ALS2: variants seen among roughly 807,000 people sequenced by gnomAD.
ALS2 encodes the protein alsin Rho guanine nucleotide exchange factor ALS2, also known as alsin.
In ALS2, 117 loss-of-function variants were observed where a neutral mutation model predicts 203.4. The observed-to-expected ratio is 0.58, with a 90% confidence interval of 0.50 to 0.67. ALS2 has a LOEUF of 0.67. Among genes scored for constraint, ALS2 ranks in the 30% least tolerant of loss-of-function variants. The pLI is 0.00. For missense variants in ALS2, 1,715 were observed against 1,989.4 expected, an observed-to-expected ratio of 0.86 and a Z score of 2.62; for synonymous variants, 718 against 725.9, an observed-to-expected ratio of 0.99 and a Z score of 0.17.
intron 1 of ALS2, among the ~76,000 whole-genome samples, chr2:201,777,141 AT>A (rs1248106402): frequency 6.6e-6 from 1 of 152,152 alleles, no homozygotes; most frequent in Non-Finnish European, 1.5e-5. Flanking sequence ...ACATGTCCAA[AT>A]TCCTTTGAGG....
rs773850693 is a variant in ALS2 at position 201,729,014 on chromosome 2, G to A, written c.2712+38C>T. On this transcript the variant is annotated intron_variant, in intron 14 of 33. Transcript: ENST00000264276. ...ATCAATTGTTATCGAAATGGTTGCT[G>A]TTTGCTAGGGTAACAAATGACAACT... is the stretch of plus-strand genomic sequence containing the variant. 8.1e-6 allele frequency: 13 copies of A among 1,613,834 alleles called. No homozygotes were observed. The East Asian group carries it at 2.0e-4, about 25-fold the overall frequency.
At chr2:201,724,603 A>G (rs1691030696) in intron 20 of ALS2, 144 bp from the exon 21 acceptor site, 2 of 890,520 alleles carry the variant, frequency 2.2e-6, no homozygotes, top group African/African-American at 3.4e-5. Context: ...CACCAATTAA[A>G]AAAACCTCAT....
At chr2:201,774,809 G>A (rs1203294481) in intron 1 of ALS2, among the ~76,000 whole-genome samples, 1 of 152,078 alleles carries the variant, frequency 6.6e-6, no homozygotes, top group African/African-American at 2.4e-5. Context: ...GAAGCAGAGT[G>A]ACAAATATCG....
Position 201,761,608 on chromosome 2 carries a change from T to G in ALS2, c.386A>C (p.Gln129Pro), listed in dbSNP as rs2106089556. The change falls in exon 4 of 34, where the codon CAG becomes CCG. Residue 129 changes from glutamine (Q) to proline (P), a missense_variant. Around this residue, in one of 3 missense-constraint regions of ALS2, gnomAD observed 476 missense variants for 539.3 expected, o/e 0.88. Coordinates refer to ENST00000264276, the MANE Select transcript of ALS2 (RefSeq NM_020919.4). ...SAGQCAVANQ[Q>P]YVPEPNPVSI... ...GACAGGATTTGGTTCCGGCACATAC[T>G]GCTGGTTGGCTACTGCACACTGGCC... The G allele has an allele frequency of 6.2e-7, 1 of 1,614,250 alleles. No homozygotes were observed. The highest frequency in any genetic ancestry group is 2.2e-5 in the East Asian group (1 of 44,888).
chr2:201,776,661 AT>A (rs1449296556), intron 1 of ALS2, among the ~76,000 whole-genome samples: 1 of 151,974 alleles, frequency 6.6e-6, no homozygotes, highest in Non-Finnish European at 1.5e-5. Context: ...AATGGCCACA[AT>A]TTTTTCAAAG....
chr2:201,721,071 T>C (rs1690763503), intron 23 of ALS2, among the ~76,000 whole-genome samples: 1 of 152,208 alleles, frequency 6.6e-6, no homozygotes, highest in African/African-American at 2.4e-5. Flanking sequence ...AACAACGCTT[T>C]ACAATAGCAT....
intron 9 of ALS2, among the ~76,000 whole-genome samples, chr2:201,745,157 T>C (rs527474100): frequency 9.8e-5 from 15 of 152,374 alleles, no homozygotes; most frequent in South Asian, 6.2e-4. Flanking sequence ...TCATGGGGAA[T>C]GTAAAGCCAG....
intron 1 of ALS2, among the ~76,000 whole-genome samples, chr2:201,776,801 C>T (rs1057203421): frequency 1.2e-4 from 18 of 152,144 alleles, no homozygotes; most frequent in African/African-American, 4.3e-4. Context: ...TCTCGTGATA[C>T]AAGTTTCACT....
intron 33 of ALS2, 102 bp from the exon 34 acceptor site, chr2:201,701,991 A>C: frequency 1.0e-6 from 1 of 1,002,790 alleles, no homozygotes; most frequent in Non-Finnish European, 1.6e-6. Flanking sequence ...TTATGAACAA[A>C]TTCAGCTGAT....
intron 6 of ALS2, among the ~76,000 whole-genome samples, chr2:201,754,014 CTTT>C (rs554050978): frequency 2.1e-5 from 3 of 143,224 alleles, no homozygotes; most frequent in African/African-American, 2.5e-5. Flanking sequence ...TTTTCTTTTC[CTTT>C]TTTTTTTTTT....
rs180781055 is a variant in ALS2 at position 201,718,059 on chromosome 2, T to G, written c.3836+18A>C. ...CAAACATTCAATAATTAATCCAGAA[T>G]TAACACTAGTTACTCACAAAACTTT... On this transcript the variant is annotated intron_variant, in intron 24 of 33. Coordinates refer to ENST00000264276, the MANE Select transcript of ALS2 (RefSeq NM_020919.4). The G allele has an allele frequency of 4.9e-5, 79 of 1,611,550 alleles. No individual in the cohort carries two copies. In the Admixed American group the frequency reaches 5.7e-4, roughly 12 times the overall value.
chr2:201,726,305 G>A (rs1691158922), intron 19 of ALS2, among the ~76,000 whole-genome samples, 179 bp downstream of exon 19: 1 of 152,174 alleles, frequency 6.6e-6, no homozygotes, highest in Non-Finnish European at 1.5e-5. Flanking sequence ...ACCCAGTCTA[G>A]GTAAATCAGA....
rs76469436 is a variant in ALS2, at chr2:201,746,372, T to C, written c.1998+194A>G. Among the ~76,000 whole-genome samples, 3,851 of 152,246 alleles carry C rather than the reference T, an allele frequency of 0.025. 129 individuals carry two copies. Among genetic ancestry groups the C allele is most frequent in the African/African-American group, 0.082 (3,409 of 41,526 alleles). Reference sequence around the variant, plus strand: ...CAATAGACAAAGTGAGTAAATTATATAGTGTATTCGATGGTGATAGGCCCT... The same window carrying C: ...CAATAGACAAAGTGAGTAAATTATACAGTGTATTCGATGGTGATAGGCCCT... On this transcript the variant is annotated intron_variant, in intron 9 of 33. Transcript: ENST00000264276.
chr2:201,779,386 T>C (rs965831686), intron 1 of ALS2, among the ~76,000 whole-genome samples: 1 of 152,222 alleles, frequency 6.6e-6, no homozygotes, highest in Non-Finnish European at 1.5e-5. Flanking sequence ...CTAATACTGG[T>C]CATAGTTTAG....
intron 9 of ALS2, among the ~76,000 whole-genome samples, 165 bp downstream of exon 9, chr2:201,746,401 G>C (rs773267949): frequency 2.0e-5 from 3 of 152,180 alleles, no homozygotes; most frequent in African/African-American, 4.8e-5. Context: ...AGGCCCTTTG[G>C]AGAGAGAAGA....
intron 33 of ALS2, among the ~76,000 whole-genome samples, 184 bp from the exon 34 acceptor site, chr2:201,702,073 G>A (rs923187009): frequency 1.4e-5 from 2 of 146,964 alleles, no homozygotes; most frequent in Non-Finnish European, 3.0e-5. Flanking sequence ...GCTGTCTTTT[G>A]CCTACTTGTA....
chr2:201,767,726 G>T (rs1202892934), intron 2 of ALS2, among the ~76,000 whole-genome samples: 1 of 151,556 alleles, frequency 6.6e-6, no homozygotes, highest in East Asian at 1.9e-4. Flanking sequence ...AAATCAGCCG[G>T]GCATGGTGGC....
At chr2:201,714,451 A>G (rs1255572732) in intron 25 of ALS2, among the ~76,000 whole-genome samples, 7 of 152,206 alleles carry the variant, frequency 4.6e-5, no homozygotes, top group Non-Finnish European at 1.5e-5. Context: ...CATCCCAGAA[A>G]GGAGAGATCA....
chr2:201,703,494 T>C (rs1689507438), intron 33 of ALS2, among the ~76,000 whole-genome samples: 1 of 152,222 alleles, frequency 6.6e-6, no homozygotes, highest in Non-Finnish European at 1.5e-5. Flanking sequence ...ATTGTAATTT[T>C]ATAAATTTTA....
Sources: allele counts gnomAD v4.1 joint callset (sites outside exome capture counted in the v4.1 genomes callset), GRCh38; gene constraint gnomAD v4.1.1; regional missense constraint gnomAD v4.1.1; transcripts MANE v1.5; gene names NCBI Gene and HGNC (gene_info 2026-07-23, HGNC 2026-07-21).